Variants in PPARGC1A observed in about 807,000 individuals in gnomAD.
PPARGC1A encodes the protein peroxisome proliferator-activated receptor gamma coactivator 1-alpha.
PPARGC1A carries 25 observed loss-of-function variants against 88.7 expected under a neutral mutation model. That is an observed-to-expected ratio of 0.28 (90% CI 0.21 to 0.39). The LOEUF (loss-of-function observed/expected upper bound fraction) is 0.39. PPARGC1A is among the 10% of genes least tolerant of loss of function. PPARGC1A has a pLI of 1.00. For synonymous variants in PPARGC1A, 363 were observed against 355.6 expected (o/e 1.02, Z -0.24); for missense variants, 880 against 968.7 (o/e 0.91, Z 1.22).
chr4:24,225,647 G>A, the PPARGC1A span, among the ~76,000 whole-genome samples: 1 of 152,130 alleles, frequency 6.6e-6, no homozygotes, highest in Admixed American at 6.5e-5. Flanking sequence ...ATTGCCTATG[G>A]TATGTGCTAG....
intron 12 of PPARGC1A, among the ~76,000 whole-genome samples, chr4:23,796,899 A>C (rs1302492872): frequency 1.3e-5 from 2 of 152,152 alleles, no homozygotes; most frequent in Admixed American, 6.6e-5. Flanking sequence ...TAAATTACAA[A>C]ATCGAAATGG....
the PPARGC1A span, among the ~76,000 whole-genome samples, chr4:23,934,704 C>A: frequency 6.6e-6 from 1 of 152,254 alleles, no homozygotes; most frequent in South Asian, 2.1e-4. Flanking sequence ...CCCAGCAAAA[C>A]CTCTGAGTTA....
intron 12 of PPARGC1A, among the ~76,000 whole-genome samples, chr4:23,801,403 C>A (rs937939258): frequency 1.3e-5 from 2 of 152,002 alleles, no homozygotes; most frequent in Non-Finnish European, 2.9e-5. Context: ...TACATGCACT[C>A]ACAAAATATA....
At chr4:23,970,186 G>T in the PPARGC1A span, among the ~76,000 whole-genome samples, 3 of 152,140 alleles carry the variant, frequency 2.0e-5, no homozygotes, top group Admixed American at 6.5e-5. Flanking sequence ...AGTCTGCAGA[G>T]GACTGAGGAA....
chr4:24,190,842 C>G, the PPARGC1A span, among the ~76,000 whole-genome samples: 10 of 152,308 alleles, frequency 6.6e-5, no homozygotes, highest in Non-Finnish European at 1.2e-4. Flanking sequence ...CATTTCCCAC[C>G]GCTGGTGGAC....
At chr4:23,919,571 T>C in the PPARGC1A span, among the ~76,000 whole-genome samples, 1 of 151,364 alleles carries the variant, frequency 6.6e-6, no homozygotes, top group Non-Finnish European at 1.5e-5. Context: ...AAGAAGTGAA[T>C]TGTGAATCCC....
At chr4:24,232,216 T>A in the PPARGC1A span, among the ~76,000 whole-genome samples, 24 of 147,136 alleles carry the variant, frequency 1.6e-4, 2 homozygotes, top group Admixed American at 1.6e-3. Flanking sequence ...AAAAAAAAAT[T>A]CTGGATTGAA....
In PPARGC1A at chr4:23,812,727, G is replaced by C; in HGVS notation, c.2019+20C>G. The C allele has an allele frequency of 6.2e-7, 1 of 1,612,410 alleles. No individual in the cohort carries two copies. Among genetic ancestry groups the C allele is most frequent in the Non-Finnish European group, 8.5e-7 (1 of 1,179,556 alleles). ...GAAGAAACCCTACTTTAAAATAAAA[G>C]TGAGCTCCAGGCCACTTACAATTGC... On this transcript the variant is annotated intron_variant, in intron 10 of 12. Transcript: ENST00000264867.
chr4:24,178,146 TATTC>T, the PPARGC1A span, among the ~76,000 whole-genome samples: 2 of 152,222 alleles, frequency 1.3e-5, no homozygotes, highest in African/African-American at 4.8e-5. Context: ...CCATAAATCC[TATTC>T]ATTCATTCAT....
the PPARGC1A span, among the ~76,000 whole-genome samples, chr4:23,943,977 C>T: frequency 6.6e-6 from 1 of 152,108 alleles, no homozygotes; most frequent in African/African-American, 2.4e-5. Flanking sequence ...GATAAACTGT[C>T]ACCACCCAGA....
the PPARGC1A span, among the ~76,000 whole-genome samples, chr4:23,966,991 G>T: frequency 6.6e-6 from 1 of 152,132 alleles, no homozygotes; most frequent in African/African-American, 2.4e-5. Context: ...CTCTGTCCCT[G>T]CCTACCTCTC....
rs1335453292 is a variant in PPARGC1A at position 23,795,329 on chromosome 4, A to ATATT, written c.*492_*493insAATA. ...TATATATATATATATATATATATAT[A>ATATT]TTTCCTTTTGAATAGAATACGAACA... On this transcript the variant is annotated 3_prime_UTR_variant, in exon 13 of 13. Coordinates refer to ENST00000264867, the MANE Select transcript of PPARGC1A (RefSeq NM_013261.5). 321 of 10,478 alleles carry ATATT rather than the reference A, an allele frequency of 0.031. 1 individual carries two copies. Among genetic ancestry groups the ATATT allele is most frequent in the East Asian group, 0.083 (57 of 688 alleles). 0.6% of individuals were successfully genotyped at this position (10,478 alleles called of 1,614,324 possible). A position where few individuals can be genotyped will look rare whatever the true frequency, so the allele number is the denominator to read the frequency against.
intron 12 of PPARGC1A, among the ~76,000 whole-genome samples, chr4:23,800,649 C>A (rs976348528): frequency 6.6e-6 from 1 of 151,018 alleles, no homozygotes; most frequent in Non-Finnish European, 1.5e-5. Context: ...ATTAGACATG[C>A]TGAGACAAAA....
At chr4:24,190,946 G>T in the PPARGC1A span, among the ~76,000 whole-genome samples, 7 of 59,248 alleles carry the variant, frequency 1.2e-4, no homozygotes, top group African/African-American at 2.6e-4. Context: ...CTCCTGCAGG[G>T]TGCCTGAATA....
At chr4:24,139,722 C>A in the PPARGC1A span, among the ~76,000 whole-genome samples, 1 of 152,206 alleles carries the variant, frequency 6.6e-6, no homozygotes, top group South Asian at 2.1e-4. Context: ...TGAGGGTACA[C>A]TTACTTCCTT....
the PPARGC1A span, among the ~76,000 whole-genome samples, chr4:24,406,273 T>A: frequency 6.6e-6 from 1 of 152,194 alleles, no homozygotes; most frequent in Non-Finnish European, 1.5e-5. Context: ...CACAAGAAGT[T>A]AGGCTGCATG....
the PPARGC1A span, among the ~76,000 whole-genome samples, chr4:24,080,918 A>G: frequency 6.6e-6 from 1 of 151,880 alleles, no homozygotes; most frequent in African/African-American, 2.4e-5. Context: ...GGGCTTTGAG[A>G]TTTTTTTCTT....
At chr4:24,463,663 A>G in the PPARGC1A span, among the ~76,000 whole-genome samples, 1 of 152,224 alleles carries the variant, frequency 6.6e-6, no homozygotes, top group Admixed American at 6.5e-5. Flanking sequence ...AGGATCTAGA[A>G]TTGAAGAGGG....
At chr4:24,175,068 G>A in the PPARGC1A span, among the ~76,000 whole-genome samples, 2 of 152,146 alleles carry the variant, frequency 1.3e-5, no homozygotes, top group African/African-American at 4.8e-5. Flanking sequence ...CCTCCACACA[G>A]TCCCCTACAG....
Sources: allele counts gnomAD v4.1 joint callset (sites outside exome capture counted in the v4.1 genomes callset), GRCh38; gene constraint gnomAD v4.1.1; transcripts MANE v1.5; gene names NCBI Gene and HGNC (gene_info 2026-07-23, HGNC 2026-07-21).